HSPA4L: variants seen among roughly 807,000 people sequenced by gnomAD.
HSPA4L encodes heat shock protein family A (Hsp70) member 4 like, also known as heat shock 70 kDa protein 4L.
Under a neutral mutation model 100.3 loss-of-function variants are expected in HSPA4L, and 48 were observed. That is an observed-to-expected ratio of 0.48 (90% CI 0.38 to 0.61). HSPA4L has a LOEUF of 0.61. Ranked by LOEUF, HSPA4L falls within the 20% of genes least tolerant of loss-of-function variation. The pLI, the probability that HSPA4L is intolerant of heterozygous loss-of-function variation, is 0.00. For synonymous variants in HSPA4L, 319 were observed against 328.2 expected (o/e 0.97, Z 0.30); for missense variants, 886 against 988.6 (o/e 0.90, Z 1.39).
At chr4:127,792,347 C>T (rs144712869) in intron 1 of HSPA4L, among the ~76,000 whole-genome samples, 68 of 152,202 alleles carry the variant, frequency 4.5e-4, no homozygotes, top group African/African-American at 1.6e-3. Context: ...TCTTCTAGTC[C>T]TCAAATGAGC....
chr4:127,818,201 C>A, intron 12 of HSPA4L, 124 bp from the exon 13 acceptor site: 1 of 527,298 alleles, frequency 1.9e-6, no homozygotes, highest in Non-Finnish European at 3.4e-6. Context: ...GAAAAATGAG[C>A]TTCTACTTAA....
chr4:127,829,441 A>G (rs1002853086), intron 17 of HSPA4L, among the ~76,000 whole-genome samples: 2 of 152,066 alleles, frequency 1.3e-5, no homozygotes, highest in African/African-American at 4.8e-5. Flanking sequence ...AGACATTATT[A>G]GAATAATACA....
At chr4:127,826,743 T>G (rs541494389) in intron 16 of HSPA4L, among the ~76,000 whole-genome samples, 10 of 152,190 alleles carry the variant, frequency 6.6e-5, no homozygotes, top group Non-Finnish European at 1.2e-4. Context: ...ATCCTTCTAA[T>G]GTGCTCCCCT....
intron 13 of HSPA4L, among the ~76,000 whole-genome samples, chr4:127,820,055 C>A (rs1487300278): frequency 1.3e-5 from 2 of 152,044 alleles, no homozygotes; most frequent in Non-Finnish European, 2.9e-5. Context: ...TCATCTTGAA[C>A]ATTTTGAGGA....
chr4:127,816,419 C>T (rs192750677), intron 12 of HSPA4L, among the ~76,000 whole-genome samples: 12 of 152,136 alleles, frequency 7.9e-5, no homozygotes, highest in South Asian at 6.2e-4. Context: ...ATGATAACAT[C>T]TTATATTTGC....
At position 127,840,588 on chromosome 4, in the gene HSPA4L, C is replaced by CAT. The variant is rs1347841132; in HGVS notation, c.*7718_*7719dup. On this transcript the variant is annotated 3_prime_UTR_variant, in exon 19 of 19. Transcript: ENST00000296464. ...ATGTTTACACATGGCAGTATCAAAGCATATAAAATATTTTCTATGTAAGTA... is the reference window on the plus strand; with the variant it reads ...ATGTTTACACATGGCAGTATCAAAGCATATATAAAATATTTTCTATGTAAGTA... 1 of 152,176 alleles carries CAT rather than the reference C, an allele frequency of 6.6e-6. No homozygotes were observed. Among genetic ancestry groups the CAT allele is most frequent in the Non-Finnish European group, 1.5e-5 (1 of 68,030 alleles). 9.4% of individuals were successfully genotyped at this position (152,176 alleles called of 1,614,324 possible). A position where few individuals can be genotyped will look rare whatever the true frequency, so the allele number is the denominator to read the frequency against.
rs1482582807 is a variant in HSPA4L at position 127,838,985 on chromosome 4, C to A, written c.*6111C>A. 6.6e-6 allele frequency: 1 copy of A among 152,018 alleles called. No individual in the cohort carries two copies. The highest frequency in any genetic ancestry group is 1.5e-5 in the Non-Finnish European group (1 of 67,990). 9.4% of individuals were successfully genotyped at this position (152,018 alleles called of 1,614,324 possible). A position where few individuals can be genotyped will look rare whatever the true frequency, so the allele number is the denominator to read the frequency against. ...TAATAGTAGCATTCTGGAGTAGATT[C>A]TTTTTTTGTATTCTGGCCTTGGAAT... On this transcript the variant is annotated 3_prime_UTR_variant, in exon 19 of 19. Coordinates refer to ENST00000296464, the MANE Select transcript of HSPA4L (RefSeq NM_014278.4).
At chr4:127,812,067 T>C (rs1255566253) in intron 12 of HSPA4L, among the ~76,000 whole-genome samples, 1 of 152,138 alleles carries the variant, frequency 6.6e-6, no homozygotes, top group African/African-American at 2.4e-5. Context: ...TTGGGGGACA[T>C]CTGAGACAGT....
intron 6 of HSPA4L, 62 bp from the exon 7 acceptor site, chr4:127,803,567 T>C: frequency 7.1e-7 from 1 of 1,415,056 alleles, no homozygotes; most frequent in Non-Finnish European, 9.4e-7. Flanking sequence ...TAGAGGTTTT[T>C]CTTTTTTTTT....
chr4:127,831,513 AAAAAAAAAAAG>A (rs1240077763), intron 18 of HSPA4L, among the ~76,000 whole-genome samples: 1 of 151,502 alleles, frequency 6.6e-6, no homozygotes, highest in Admixed American at 6.6e-5. Flanking sequence ...AAAAAAAAAA[AAAAAAAAAAAG>A]GAAGCAATCT....
rs1733008243 is a variant in HSPA4L at position 127,795,914 on chromosome 4, C to T, written c.306+6C>T. 6.2e-7 allele frequency: 1 copy of T among 1,612,006 alleles called. No homozygotes were observed. The highest frequency in any genetic ancestry group is 1.7e-5 in the Admixed American group (1 of 59,696). On this transcript the variant is annotated splice_donor_region_variant and intron_variant, in intron 3 of 18. Transcript: ENST00000296464. Reference sequence around the variant, plus strand: ...ATGGAAGTGCAGGAGTTAAGGTAAGCTTTATATTCCCAGGGTTACAAACAT... The same window carrying T: ...ATGGAAGTGCAGGAGTTAAGGTAAGTTTTATATTCCCAGGGTTACAAACAT...
intron 1 of HSPA4L, among the ~76,000 whole-genome samples, chr4:127,786,293 G>T (rs1253560354): frequency 2.6e-5 from 4 of 152,092 alleles, no homozygotes; most frequent in Non-Finnish European, 5.9e-5. Flanking sequence ...TGTCTTTCCA[G>T]TATCCATTGT....
intron 12 of HSPA4L, among the ~76,000 whole-genome samples, chr4:127,813,809 A>AT (rs928365673): frequency 2.6e-5 from 4 of 151,726 alleles, no homozygotes; most frequent in African/African-American, 9.7e-5. Context: ...CGCCCAGCTA[A>AT]TTTTTTTTGT....
intron 11 of HSPA4L, among the ~76,000 whole-genome samples, chr4:127,810,923 GAAAT>G (rs1733508858): frequency 6.6e-6 from 1 of 152,038 alleles, no homozygotes; most frequent in Non-Finnish European, 1.5e-5. Context: ...TTTCTTTAGA[GAAAT>G]AAAACATCAG....
At chr4:127,822,722 C>A in intron 14 of HSPA4L, 47 bp from the exon 15 acceptor site, 1 of 1,588,744 alleles carries the variant, frequency 6.3e-7, no homozygotes, top group Non-Finnish European at 8.6e-7. Context: ...ATTTCTATTT[C>A]CCTAATGCAT....
chr4:127,802,722 A>T (rs938323392), intron 6 of HSPA4L, among the ~76,000 whole-genome samples: 36 of 152,072 alleles, frequency 2.4e-4, no homozygotes, highest in African/African-American at 8.5e-4. Flanking sequence ...CAAAATACAC[A>T]CCTGTACTAG....
intron 9 of HSPA4L, 80 bp from the exon 10 acceptor site, chr4:127,805,607 C>T (rs1024551783): frequency 9.6e-7 from 1 of 1,045,846 alleles, no homozygotes; most frequent in Non-Finnish European, 1.4e-6. Context: ...TAGGAGGACT[C>T]TATTAAGCAG....
chr4:127,793,191 C>G (rs141775515), intron 1 of HSPA4L, among the ~76,000 whole-genome samples: 9 of 152,256 alleles, frequency 5.9e-5, no homozygotes, highest in Non-Finnish European at 1.2e-4. Context: ...ACCTATATAT[C>G]AGGAATGTCT....
At chr4:127,792,272 T>C (rs1358151832) in intron 1 of HSPA4L, among the ~76,000 whole-genome samples, 1 of 152,228 alleles carries the variant, frequency 6.6e-6, no homozygotes, top group Non-Finnish European at 1.5e-5. Context: ...TCTTATCAAA[T>C]TGTCCTATGA....
Sources: allele counts gnomAD v4.1 joint callset (sites outside exome capture counted in the v4.1 genomes callset), GRCh38; gene constraint gnomAD v4.1.1; transcripts MANE v1.5; gene names NCBI Gene and HGNC (gene_info 2026-07-23, HGNC 2026-07-21).